Variants in DAG1 observed in about 807,000 individuals in gnomAD.
DAG1 encodes dystroglycan 1 (dystrophin-associated glycoprotein 1).
In DAG1, 8 loss-of-function variants were observed where a neutral mutation model predicts 46.1. The observed-to-expected ratio is 0.17, with a 90% confidence interval of 0.10 to 0.31. The LOEUF (loss-of-function observed/expected upper bound fraction) is 0.31, where lower values mean the gene tolerates loss of function less well. Ranked by LOEUF, DAG1 falls within the 10% of genes least tolerant of loss-of-function variation. DAG1 has a pLI of 1.00. For synonymous variants in DAG1, 495 were observed against 481.8 expected (o/e 1.03, Z -0.36); for missense variants, 1,003 against 1,189.9 (o/e 0.84, Z 2.31).
chr3:49,494,675 T>G (rs2050266380), intron 1 of DAG1, among the ~76,000 whole-genome samples: 1 of 150,158 alleles, frequency 6.7e-6, no homozygotes, highest in Non-Finnish European at 1.5e-5. Flanking sequence ...TGCACTGTCA[T>G]CCAGGCTGGA....
At chr3:49,514,467 T>C (rs1388235489) in intron 2 of DAG1, among the ~76,000 whole-genome samples, 1 of 152,074 alleles carries the variant, frequency 6.6e-6, no homozygotes. Flanking sequence ...ATAGTGGATA[T>C]ATTTTTTAAC....
intron 1 of DAG1, among the ~76,000 whole-genome samples, chr3:49,504,293 C>A (rs970703855): frequency 3.3e-5 from 5 of 151,308 alleles, no homozygotes; most frequent in African/African-American, 9.7e-5. Flanking sequence ...AGCAAGATTG[C>A]TTGGAAATTC....
chr3:49,493,482 C>CT (rs1490598674), intron 1 of DAG1, among the ~76,000 whole-genome samples: 2 of 152,154 alleles, frequency 1.3e-5, no homozygotes, highest in Non-Finnish European at 2.9e-5. Flanking sequence ...ACAGAAGAAG[C>CT]TGAGAGCAAG....
In DAG1 at chr3:49,533,201, C is replaced by T. The variant is rs1559582415; in HGVS notation, c.*2C>T. On this transcript the variant is annotated 3_prime_UTR_variant, in exon 3 of 3. Coordinates refer to ENST00000308775, the MANE Select transcript of DAG1 (RefSeq NM_004393.6). The stretch of plus-strand genomic sequence containing the variant: ...CCTCCTCCCTATGTCCCACCTTAAC[C>T]CGCAAGCGCCTGGGTGGAGGCAGGG... 6.2e-7 allele frequency: 1 copy of T among 1,611,852 alleles called. No homozygotes were observed. The highest frequency in any genetic ancestry group is 2.2e-5 in the East Asian group (1 of 44,870).
At position 49,531,510 on chromosome 3, in the gene DAG1, G is replaced by A. The variant is rs2051345251; in HGVS notation, c.999G>A (p.Glu333=). 2 of 1,612,154 alleles carry A rather than the reference G, an allele frequency of 1.2e-6. No homozygotes were observed. The highest frequency in any genetic ancestry group is 1.1e-5 in the South Asian group (1 of 91,022). Residue 333 remains glutamate (E), a synonymous_variant, in exon 3 of 3, where the codon GAG becomes GAA. Transcript: ENST00000308775. The surrounding 1 kb of genome is among the most constrained non-coding windows in gnomAD (Gnocchi z 7.0). ...AIGPPTTAIQ[E]PPSRIVPTPT... ...GGCCCCCAACCACGGCTATCCAGGA[G>A]CCCCCATCCAGGATCGTGCCAACCC...
chr3:49,525,882 G>A (rs930006313), intron 2 of DAG1, among the ~76,000 whole-genome samples: 5 of 146,798 alleles, frequency 3.4e-5, no homozygotes, highest in African/African-American at 7.6e-5. Context: ...ATGGAGTTTC[G>A]CTCTTCTGCC....
intron 2 of DAG1, among the ~76,000 whole-genome samples, chr3:49,521,196 G>A (rs534270748): frequency 1.8e-4 from 28 of 151,920 alleles, no homozygotes; most frequent in Non-Finnish European, 2.6e-4. Context: ...ACAGAGTCTC[G>A]CTCTTTGCCC....
At chr3:49,489,038 C>A (rs1054021694) in intron 1 of DAG1, among the ~76,000 whole-genome samples, 5 of 151,948 alleles carry the variant, frequency 3.3e-5, no homozygotes, top group Middle Eastern at 3.4e-3. Flanking sequence ...GGAAGGAGAC[C>A]TGCTTTTCAT....
chr3:49,490,575 A>T (rs551195800), intron 1 of DAG1, among the ~76,000 whole-genome samples: 1,407 of 138,414 alleles, frequency 0.01, 28 homozygotes, highest in African/African-American at 0.033. Flanking sequence ...TTATTCTTTT[A>T]TTTTTTTTTT....
intron 1 of DAG1, among the ~76,000 whole-genome samples, chr3:49,478,543 T>TA (rs2049762884): frequency 1.6e-4 from 24 of 148,724 alleles, no homozygotes; most frequent in Middle Eastern, 3.4e-3. Context: ...TTTTTTTTTT[T>TA]TTTTTTTTAA....
Position 49,522,141 on chromosome 3 carries a change from T to C in DAG1, c.286-8656T>C, listed in dbSNP as rs201690617. On this transcript the variant is annotated intron_variant, in intron 2 of 2. Transcript: ENST00000308775. ...GCCTCCCGGGTTCAAGCAATTCTCC[T>C]GCCTCAGCCTCCCAAGTAGCTGGGA... Among the ~76,000 whole-genome samples, 70 of 152,274 alleles carry C rather than the reference T, an allele frequency of 4.6e-4. No individual in the cohort carries two copies. The East Asian group carries it at 6.0e-3, about 13-fold the overall frequency.
At chr3:49,519,027 T>C (rs1489355594) in intron 2 of DAG1, among the ~76,000 whole-genome samples, 1 of 152,140 alleles carries the variant, frequency 6.6e-6, no homozygotes, top group East Asian at 1.9e-4. Flanking sequence ...TCAGGGTCTG[T>C]GGGGATGGGT....
chr3:49,531,288 C>G lies in DAG1; in HGVS notation c.777C>G (p.Ser259=). 6.2e-7 allele frequency: 1 copy of G among 1,614,182 alleles called. No individual in the cohort carries two copies. Among genetic ancestry groups the G allele is most frequent in the Non-Finnish European group, 8.5e-7 (1 of 1,180,024 alleles). Residue 259 remains serine (S), a synonymous_variant, in exon 3 of 3, where the codon TCC becomes TCG. Transcript: ENST00000308775. The surrounding 1 kb of genome is among the most constrained non-coding windows in gnomAD (Gnocchi z 7.0). ...TGGTGGAGAATGGGGCCCTTCTCTCCTGGAAGCTGGGCTGCTCCCTGAACC... is the reference window on the plus strand; with the variant it reads ...TGGTGGAGAATGGGGCCCTTCTCTCGTGGAAGCTGGGCTGCTCCCTGAACC... The part of the protein sequence containing the change: ...KKVVENGALL[S]WKLGCSLNQN...
At position 49,533,211 on chromosome 3, in the gene DAG1, C is replaced by T; in HGVS notation, c.*12C>T. 6.2e-7 allele frequency: 1 copy of T among 1,610,520 alleles called. No homozygotes were observed. The highest frequency in any genetic ancestry group is 8.5e-7 in the Non-Finnish European group (1 of 1,179,938). Reference sequence around the variant, plus strand: ...ATGTCCCACCTTAACCCGCAAGCGCCTGGGTGGAGGCAGGGTAGGGCAGGG... The same window carrying T: ...ATGTCCCACCTTAACCCGCAAGCGCTTGGGTGGAGGCAGGGTAGGGCAGGG... On this transcript the variant is annotated 3_prime_UTR_variant, in exon 3 of 3. Transcript: ENST00000308775.
At chr3:49,492,496 A>G (rs1428279756) in intron 1 of DAG1, among the ~76,000 whole-genome samples, 2 of 152,036 alleles carry the variant, frequency 1.3e-5, no homozygotes, top group Non-Finnish European at 2.9e-5. Context: ...AAGATAAAAA[A>G]TTAGCCAAGT....
At chr3:49,498,361 A>C (rs2050366432) in intron 1 of DAG1, among the ~76,000 whole-genome samples, 1 of 152,166 alleles carries the variant, frequency 6.6e-6, no homozygotes, top group Non-Finnish European at 1.5e-5. Context: ...CCAAGGAGTC[A>C]AAAAGGCCTG....
At chr3:49,500,459 G>A (rs1358291790) in intron 1 of DAG1, among the ~76,000 whole-genome samples, 1 of 152,170 alleles carries the variant, frequency 6.6e-6, no homozygotes, top group Non-Finnish European at 1.5e-5. Context: ...TTTATCTGCA[G>A]TGAGTCTCAG....
intron 1 of DAG1, among the ~76,000 whole-genome samples, chr3:49,484,095 A>G (rs768994697): frequency 1.3e-5 from 2 of 152,154 alleles, no homozygotes; most frequent in African/African-American, 2.4e-5. Context: ...TCACAAATAG[A>G]TAACAGTAGG....
chr3:49,474,628 G>A (rs1345329312), intron 1 of DAG1, among the ~76,000 whole-genome samples: 1 of 151,976 alleles, frequency 6.6e-6, no homozygotes, highest in Non-Finnish European at 1.5e-5. Context: ...TTACAGGCAC[G>A]AGCCACTGCG....
Sources: allele counts gnomAD v4.1 joint callset (sites outside exome capture counted in the v4.1 genomes callset), GRCh38; gene constraint gnomAD v4.1.1; non-coding constraint Gnocchi (gnomAD v3.1); transcripts MANE v1.5; gene names NCBI Gene and HGNC (gene_info 2026-07-23, HGNC 2026-07-21).